SRP72: variants seen among roughly 807,000 people sequenced by gnomAD.
The protein encoded by SRP72 is signal recognition particle 72, also known as signal recognition particle subunit SRP72.
SRP72 carries 49 observed loss-of-function variants against 96.3 expected under a neutral mutation model. The ratio of observed to expected loss-of-function variants is 0.51; its 90% confidence interval spans 0.40 to 0.65. The LOEUF (loss-of-function observed/expected upper bound fraction) is 0.65. Ranked by LOEUF, SRP72 falls within the 30% of genes least tolerant of loss-of-function variation. SRP72 has a pLI of 0.00. For synonymous variants in SRP72, 267 were observed against 275.2 expected, an observed-to-expected ratio of 0.97 and a Z score of 0.30; for missense variants, 736 against 793.3, an observed-to-expected ratio of 0.93 and a Z score of 0.87.
Position 56,487,874 on chromosome 4 carries a change from A to G in SRP72, c.1160-75A>G, listed in dbSNP as rs1578190123. 5 of 1,112,224 alleles carry G rather than the reference A, an allele frequency of 4.5e-6. No homozygotes were observed. In the South Asian group the frequency reaches 7.2e-5, roughly 16 times the overall value. 68.9% of individuals were successfully genotyped at this position (1,112,224 alleles called of 1,614,324 possible). On this transcript the variant is annotated intron_variant, in intron 11 of 18. Coordinates refer to ENST00000642900, the MANE Select transcript of SRP72 (RefSeq NM_006947.4). The stretch of plus-strand genomic sequence containing the variant: ...TTTCCTAAGGAAAAGTAGTGGGAGG[A>G]AGTAAAATTTCTTGTATTTTTTTTT...
In SRP72 at chr4:56,471,848, T is replaced by C; in HGVS notation, c.354+5T>C. Reference sequence around the variant, plus strand: ...AAGGAGCTTTATGGACAAGTGGTAATTACTGCTTTTAAATACATGTTGACA... The same window carrying C: ...AAGGAGCTTTATGGACAAGTGGTAACTACTGCTTTTAAATACATGTTGACA... On this transcript the variant is annotated splice_donor_5th_base_variant and intron_variant, in intron 3 of 18. Transcript: ENST00000642900. 1.2e-6 allele frequency: 2 copies of C among 1,613,614 alleles called. No homozygotes were observed. The highest frequency in any genetic ancestry group is 1.7e-6 in the Non-Finnish European group (2 of 1,179,802).
Position 56,502,046 on chromosome 4 carries a change from T to C in SRP72, c.*185T>C. On this transcript the variant is annotated 3_prime_UTR_variant, in exon 19 of 19. Coordinates refer to ENST00000642900, the MANE Select transcript of SRP72 (RefSeq NM_006947.4). ...GCCTAGTGAGATATGGCCTACTGGT[T>C]GCCTCATAGCTTTGTACAGATTATG... 1.6e-6 allele frequency: 1 copy of C among 631,512 alleles called. No individual in the cohort carries two copies. Among genetic ancestry groups the C allele is most frequent in the Non-Finnish European group, 2.8e-6 (1 of 361,360 alleles). 39.1% of individuals were successfully genotyped at this position (631,512 alleles called of 1,614,324 possible).
In SRP72 at chr4:56,483,203, A is replaced by C. The variant is rs150789484; in HGVS notation, c.890A>C (p.Lys297Thr). 1 of 1,612,302 alleles carries C rather than the reference A, an allele frequency of 6.2e-7. No homozygotes were observed. Among genetic ancestry groups the C allele is most frequent in the Non-Finnish European group, 8.5e-7 (1 of 1,179,740 alleles). The change falls in exon 9 of 19, where the codon AAG becomes ACG. Residue 297 changes from lysine to threonine, a missense_variant. This residue lies in a region of SRP72 where 19 missense variants were observed against 42.5 expected (regional missense o/e 0.45). Coordinates refer to ENST00000642900, the MANE Select transcript of SRP72 (RefSeq NM_006947.4). ...ACCAATGCGGAAGGAGTAGAGTTTA[A>C]GCTTTCCAAGAAACAACTACAAGCT... ...KLTNAEGVEF[K>T]LSKKQLQAIE...
intron 1 of SRP72, 92 bp from the exon 2 acceptor site, chr4:56,469,561 T>C: frequency 7.9e-7 from 1 of 1,268,034 alleles, no homozygotes; most frequent in Non-Finnish European, 1.1e-6. Context: ...AAAGTAGAAA[T>C]TTAGCTTTCG....
intron 8 of SRP72, among the ~76,000 whole-genome samples, chr4:56,480,101 G>GT (rs1720422393): frequency 6.6e-6 from 1 of 152,140 alleles, no homozygotes; most frequent in South Asian, 2.1e-4. Context: ...GAAATGTAGT[G>GT]TATCTTTGGA....
At chr4:56,476,847 C>A in intron 6 of SRP72, 145 bp downstream of exon 6, 1 of 758,306 alleles carries the variant, frequency 1.3e-6, no homozygotes, top group Non-Finnish European at 2.1e-6. Flanking sequence ...CCTCTAGTAT[C>A]AGTTATTTGA....
Position 56,484,813 on chromosome 4 carries a change from T to G in SRP72, c.1035T>G (p.Ala345=). The G allele has an allele frequency of 6.2e-7, 1 of 1,614,120 alleles. No individual in the cohort carries two copies. The highest frequency in any genetic ancestry group is 8.5e-7 in the Non-Finnish European group (1 of 1,180,014). ...PEHLLPVLIQ[A]AQLCREKQHT... ...ATCTCTTACCTGTGTTAATCCAAGC[T>G]GCCCAGCTCTGCCGTGAAAAGCAGC... The change falls in exon 10 of 19, where the codon GCT becomes GCG. Residue 345 remains alanine (A), a synonymous_variant. Transcript: ENST00000642900.
chr4:56,487,964 C>T lies in SRP72; in HGVS notation c.1175C>T (p.Ala392Val), dbSNP rs1249892859. Residue 392 changes from alanine (A) to valine (V), a missense_variant, in exon 12 of 19, where the codon GCA (alanine) becomes GTA (valine). By Grantham distance (64) the Ala-to-Val change is moderately conservative. Coordinates refer to ENST00000642900, the MANE Select transcript of SRP72 (RefSeq NM_006947.4). ...LKISQGNISK[A>V]CLILRSIEEL... ...TTCTCCTAAGGTAATATTTCTAAAG[C>T]ATGTCTAATATTGAGAAGCATAGAG... is the stretch of plus-strand genomic sequence containing the variant. 1 of 1,599,406 alleles carries T rather than the reference C, an allele frequency of 6.3e-7. No individual in the cohort carries two copies. Among genetic ancestry groups the T allele is most frequent in the East Asian group, 2.3e-5 (1 of 44,168 alleles).
intron 17 of SRP72, among the ~76,000 whole-genome samples, chr4:56,495,897 C>A (rs1305056215): frequency 6.6e-6 from 1 of 152,154 alleles, no homozygotes; most frequent in Non-Finnish European, 1.5e-5. Context: ...CTGCTCTCCA[C>A]AAAACAGAAT....
chr4:56,477,299 C>CTTTTTTTTTTTTT (rs1720276211), intron 6 of SRP72: 37 of 97,300 alleles, frequency 3.8e-4, no homozygotes, highest in African/African-American at 1.3e-3. Context: ...CTCTCTCTCT[C>CTTTTTTTTTTTTT]TCTTTTTTTT....
chr4:56,495,942 T>C (rs1721062169), intron 17 of SRP72, among the ~76,000 whole-genome samples: 1 of 152,192 alleles, frequency 6.6e-6, no homozygotes. Context: ...TTGTAAACAG[T>C]CAGGGCCACA....
At position 56,467,756 on chromosome 4, in the gene SRP72, G is replaced by C. The variant is rs761576212; in HGVS notation, c.109+12G>C. 1 of 1,492,152 alleles carries C rather than the reference G, an allele frequency of 6.7e-7. No homozygotes were observed. Among genetic ancestry groups the C allele is most frequent in the Admixed American group, 2.6e-5 (1 of 38,540 alleles). 92.4% of individuals were successfully genotyped at this position (1,492,152 alleles called of 1,614,324 possible). On this transcript the variant is annotated intron_variant, in intron 1 of 18. Transcript: ENST00000642900. ...GACCGTCAATAAGAGTAAGTGTCGG[G>C]GTGGGCACTGGGGCGGGCCCAGGCC...
intron 6 of SRP72, chr4:56,477,299 C>CTTTTTTTTTTTTTT (rs1720276211): frequency 1.2e-4 from 12 of 97,292 alleles, no homozygotes; most frequent in African/African-American, 3.8e-4. Context: ...CTCTCTCTCT[C>CTTTTTTTTTTTTTT]TCTTTTTTTT....
Position 56,502,897 on chromosome 4 carries a change from A to T in SRP72, c.*1036A>T, listed in dbSNP as rs1428265912. 1 of 152,144 alleles carries T rather than the reference A, an allele frequency of 6.6e-6. No homozygotes were observed. Among genetic ancestry groups the T allele is most frequent in the Non-Finnish European group, 1.5e-5 (1 of 68,012 alleles). The allele number at this position is 152,144 out of a possible 1,614,324, so 9.4% of individuals were successfully genotyped here. ...ATTTTACAGTCAATTTGTGGTGTAA[A>T]TGTTGCTCTTGTCTTTCCTTGCTTA... is the stretch of plus-strand genomic sequence containing the variant. On this transcript the variant is annotated 3_prime_UTR_variant, in exon 19 of 19. Coordinates refer to ENST00000642900, the MANE Select transcript of SRP72 (RefSeq NM_006947.4).
At chr4:56,479,332 A>C (rs1283506792) in intron 8 of SRP72, among the ~76,000 whole-genome samples, 2 of 151,928 alleles carry the variant, frequency 1.3e-5, no homozygotes, top group African/African-American at 4.8e-5. Flanking sequence ...GGCACCCGCC[A>C]CCATGCCTGT....
intron 11 of SRP72, among the ~76,000 whole-genome samples, chr4:56,487,416 T>C (rs1025620871): frequency 2.4e-4 from 36 of 152,192 alleles, no homozygotes; most frequent in African/African-American, 8.2e-4. Context: ...TTTCCTCCTA[T>C]GTTTAGTTTA....
chr4:56,478,251 G>T, intron 6 of SRP72, 128 bp from the exon 7 acceptor site: 1 of 798,406 alleles, frequency 1.3e-6, no homozygotes, highest in Non-Finnish European at 1.7e-6. Context: ...CTAAAGAACT[G>T]ACTCTAAGGG....
At chr4:56,471,214 T>A (rs1719960009) in intron 2 of SRP72, among the ~76,000 whole-genome samples, 1 of 152,392 alleles carries the variant, frequency 6.6e-6, no homozygotes, top group South Asian at 2.1e-4. Flanking sequence ...ATCACATTAA[T>A]GTAGATGAAT....
Position 56,501,871 on chromosome 4 carries a change from T to G in SRP72, c.*10T>G. The G allele has an allele frequency of 6.2e-7, 1 of 1,613,948 alleles. No individual in the cohort carries two copies. Among genetic ancestry groups the G allele is most frequent in the Non-Finnish European group, 8.5e-7 (1 of 1,179,948 alleles). Reference sequence around the variant, plus strand: ...AAAAGGTGGCTGGTGATGAGAATATTCTTGTTGCAGGCTGTTTTTAAACTA... The same window carrying G: ...AAAAGGTGGCTGGTGATGAGAATATGCTTGTTGCAGGCTGTTTTTAAACTA... On this transcript the variant is annotated 3_prime_UTR_variant, in exon 19 of 19. Transcript: ENST00000642900.
Sources: gnomAD v4.1 joint callset for allele counts (sites outside exome capture counted in the v4.1 genomes callset) on GRCh38, gnomAD v4.1.1 for gene constraint, gnomAD v4.1.1 regional missense constraint, MANE v1.5 for transcripts, NCBI Gene and HGNC (gene_info 2026-07-23, HGNC 2026-07-21) for gene names.